Variants in ZNF597 observed in about 807,000 individuals in gnomAD.
ZNF597 encodes the protein zinc finger protein 597.
A neutral mutation model predicts 7.3 loss-of-function variants in ZNF597; 5 were observed. That is an observed-to-expected ratio of 0.68 (90% confidence interval 0.36 to 1.44). The LOEUF (loss-of-function observed/expected upper bound fraction) is 1.44, where lower values mean the gene tolerates loss of function less well. Ranked by LOEUF, ZNF597 falls within the 40% of genes most tolerant of loss-of-function variation. ZNF597 has a pLI of 0.04. For missense variants in ZNF597, 585 were observed against 517.9 expected (o/e 1.13, Z -1.26); for synonymous variants, 209 against 185.4 (o/e 1.13, Z -1.04).
chr16:3,437,852 C>G (rs2034321833), intron 3 of ZNF597, among the ~76,000 whole-genome samples: 1 of 152,154 alleles, frequency 6.6e-6, no homozygotes, highest in Non-Finnish European at 1.5e-5. Flanking sequence ...ATTTAGGCCT[C>G]AAGAGCCTTT....
rs1452063527 is a variant in ZNF597 at position 3,435,621 on chromosome 16, T to G, written c.*803A>C. ...AATTACATAATATATCTAAAGTAGC[T>G]AGCATGCTCACTGAGAAACAATTAC... On this transcript the variant is annotated 3_prime_UTR_variant, in exon 4 of 4. Coordinates refer to ENST00000301744, the MANE Select transcript of ZNF597 (RefSeq NM_152457.3). The G allele has an allele frequency of 6.6e-6, 1 of 152,172 alleles. No homozygotes were observed. The highest frequency in any genetic ancestry group is 1.5e-5 in the Non-Finnish European group (1 of 68,038). 9.4% of individuals were successfully genotyped at this position (152,172 alleles called of 1,614,324 possible). A position where few individuals can be genotyped will look rare whatever the true frequency, so the allele number is the denominator to read the frequency against.
Position 3,434,291 on chromosome 16 carries a change from C to A in ZNF597, c.*2133G>T, listed in dbSNP as rs2034279917. The A allele has an allele frequency of 6.6e-6, 1 of 152,198 alleles. No homozygotes were observed. The highest frequency in any genetic ancestry group is 6.5e-5 in the Admixed American group (1 of 15,280). 9.4% of individuals were successfully genotyped at this position (152,198 alleles called of 1,614,324 possible). The stretch of plus-strand genomic sequence containing the variant: ...GCCCCTGATATGTGCTGATGAGGCT[C>A]CTGCCAGTTTCTCCCACTGAGGGCA... On this transcript the variant is annotated 3_prime_UTR_variant, in exon 4 of 4. Coordinates refer to ENST00000301744, the MANE Select transcript of ZNF597 (RefSeq NM_152457.3).
chr16:3,442,305 G>A (rs910850798), intron 2 of ZNF597, among the ~76,000 whole-genome samples: 14 of 146,520 alleles, frequency 9.6e-5, no homozygotes, highest in African/African-American at 3.6e-4. Context: ...TTTAATCCTA[G>A]CACTTTGGGG....
chr16:3,440,684 TCAC>T (rs1173616413), intron 3 of ZNF597, 120 bp downstream of exon 3: 8 of 1,252,510 alleles, frequency 6.4e-6, no homozygotes, highest in Admixed American at 2.4e-5. Flanking sequence ...CACACAATTA[TCAC>T]CTCCACATAA....
At chr16:3,440,485 T>A (rs1367797407) in intron 3 of ZNF597, among the ~76,000 whole-genome samples, 1 of 152,032 alleles carries the variant, frequency 6.6e-6, no homozygotes, top group Non-Finnish European at 1.5e-5. Context: ...ATACAAAAAA[T>A]TAGCTGGGCA....
intron 3 of ZNF597, among the ~76,000 whole-genome samples, chr16:3,438,618 G>A (rs957637614): frequency 5.3e-5 from 8 of 151,888 alleles, no homozygotes; most frequent in African/African-American, 1.7e-4. Context: ...GCAATCAAGT[G>A]AGCATTTTTC....
chr16:3,436,094 G>A lies in ZNF597; in HGVS notation c.*330C>T, dbSNP rs768792784. The stretch of plus-strand genomic sequence containing the variant: ...CCTCCTTCTAAAAGTCAGAAACTAC[G>A]TAAACAAAATTAAAATAACTTTAGC... On this transcript the variant is annotated 3_prime_UTR_variant, in exon 4 of 4. Transcript: ENST00000301744. 6 of 237,010 alleles carry A rather than the reference G, an allele frequency of 2.5e-5. No homozygotes were observed. Among genetic ancestry groups the A allele is most frequent in the African/African-American group, 4.5e-5 (2 of 44,060 alleles). The allele number at this position is 237,010 out of a possible 1,614,324, so 14.7% of individuals were successfully genotyped here. A position where few individuals can be genotyped will look rare whatever the true frequency, so the allele number is the denominator to read the frequency against.
At chr16:3,440,220 A>T (rs1376941455) in intron 3 of ZNF597, among the ~76,000 whole-genome samples, 1 of 152,252 alleles carries the variant, frequency 6.6e-6, no homozygotes, top group Non-Finnish European at 1.5e-5. Context: ...ATAGTGATCG[A>T]TACTAATGGG....
Position 3,436,222 on chromosome 16 carries a change from C to A in ZNF597, c.*202G>T. 1.7e-6 allele frequency: 1 copy of A among 586,676 alleles called. No homozygotes were observed. Among genetic ancestry groups the A allele is most frequent in the South Asian group, 2.3e-5 (1 of 43,930 alleles). 36.3% of individuals were successfully genotyped at this position (586,676 alleles called of 1,614,324 possible). On this transcript the variant is annotated 3_prime_UTR_variant, in exon 4 of 4. Transcript: ENST00000301744. ...TGAGTTCAAATCCTGGGTTCATTCACTAGTTTAGTGACACGGATTTTGCAT... is the reference window on the plus strand; with the variant it reads ...TGAGTTCAAATCCTGGGTTCATTCAATAGTTTAGTGACACGGATTTTGCAT...
intron 3 of ZNF597, among the ~76,000 whole-genome samples, chr16:3,439,325 G>A (rs924865269): frequency 2.6e-5 from 4 of 152,068 alleles, no homozygotes; most frequent in Admixed American, 6.6e-5. Flanking sequence ...CAGGGCTGCA[G>A]TGAGCCGTGA....
chr16:3,437,664 C>G, intron 3 of ZNF597, 126 bp from the exon 4 acceptor site: 1 of 1,387,472 alleles, frequency 7.2e-7, no homozygotes, highest in Non-Finnish European at 9.4e-7. Context: ...ATAACCCAGA[C>G]ACTAACCACA....
Position 3,436,480 on chromosome 16 carries a change from TG to T in ZNF597, c.1218del (p.Phe406LeufsTer15), listed in dbSNP as rs1428614936. 6.2e-7 allele frequency: 1 copy of T among 1,614,098 alleles called. No homozygotes were observed. The highest frequency in any genetic ancestry group is 1.3e-5 in the African/African-American group (1 of 74,940). On this transcript the variant is annotated frameshift_variant, in exon 4 of 4. Transcript: ENST00000301744. LOFTEE classifies it low-confidence loss of function (END_TRUNC). ...TGAGTAATGAGATGCAAATTCGACT[TG>T]AAAGTTTTCCCACACACGGTACATT... ...PFKCTVCGKT[F>X]KSNLHLITHK...
intron 3 of ZNF597, among the ~76,000 whole-genome samples, chr16:3,437,794 G>C (rs1403977740): frequency 1.3e-5 from 2 of 152,152 alleles, no homozygotes; most frequent in Non-Finnish European, 2.9e-5. Flanking sequence ...AGGTACTAAG[G>C]ACAATCTCAG....
In ZNF597 at chr16:3,443,178, C is replaced by G. The variant is rs552372225; in HGVS notation, c.-25G>C. On this transcript the variant is annotated 5_prime_UTR_variant, in exon 2 of 4. An upstream open reading frame in the 5' UTR loses its in-frame stop. Transcript: ENST00000301744. The stretch of plus-strand genomic sequence containing the variant: ...TTTGGCGGGTGGGGAATGCCTTCTT[C>G]AAGACGCCACAGGGACTTCGTGACA... 4 of 1,608,868 alleles carry G rather than the reference C, an allele frequency of 2.5e-6. No individual in the cohort carries two copies. Among genetic ancestry groups the G allele is most frequent in the Non-Finnish European group, 2.5e-6 (3 of 1,177,334 alleles).
rs886981798 is a variant in ZNF597, at chr16:3,443,210, C to CG, written c.-53-5dup. The CG allele has an allele frequency of 1.3e-6, 2 of 1,569,394 alleles. No homozygotes were observed. The highest frequency in any genetic ancestry group is 1.2e-5 in the South Asian group (1 of 86,298). ...CCACAGGGACTTCGTGACAAAGCTGCGGGGGGAGAGAACAGTTCTTAAAGG... is the reference window on the plus strand; with the variant it reads ...CCACAGGGACTTCGTGACAAAGCTGCGGGGGGGAGAGAACAGTTCTTAAAGG... On this transcript the variant is annotated splice_region_variant and splice_polypyrimidine_tract_variant and intron_variant, in intron 1 of 3. Transcript: ENST00000301744.
intron 3 of ZNF597, 88 bp downstream of exon 3, chr16:3,440,719 C>T: frequency 2.0e-6 from 3 of 1,533,260 alleles, no homozygotes; most frequent in South Asian, 2.4e-5. Context: ...ACAGGTCCCA[C>T]TCCACCATAC....
At chr16:3,442,934 T>C (rs2034412501) in intron 2 of ZNF597, among the ~76,000 whole-genome samples, 187 bp downstream of exon 2, 1 of 152,152 alleles carries the variant, frequency 6.6e-6, no homozygotes, top group Non-Finnish European at 1.5e-5. Context: ...TTGGTAGTTC[T>C]GAAAGAAGGA....
chr16:3,439,876 GA>G (rs1328976258), intron 3 of ZNF597, among the ~76,000 whole-genome samples: 1 of 151,586 alleles, frequency 6.6e-6, no homozygotes, highest in South Asian at 2.1e-4. Flanking sequence ...AAACTAGCAA[GA>G]AAAAAAAGTT....
rs1457278977 is a variant in ZNF597 at position 3,440,527 on chromosome 16, G to A, written c.160+280C>T. On this transcript the variant is annotated intron_variant, in intron 3 of 3. Transcript: ENST00000301744. ...CAGGCGGCTGTAGTCCCAGCTACTC[G>A]GGAGGCTGAGGCAGGAGAATGGCGT... Among the ~76,000 whole-genome samples, 7 of 152,090 alleles carry A rather than the reference G, an allele frequency of 4.6e-5. No individual in the cohort carries two copies. The East Asian group carries it at 5.8e-4, about 13-fold the overall frequency.
Sources: allele counts gnomAD v4.1 joint callset (sites outside exome capture counted in the v4.1 genomes callset), GRCh38; gene constraint gnomAD v4.1.1; transcripts MANE v1.5; gene names NCBI Gene and HGNC (gene_info 2026-07-23, HGNC 2026-07-21).